The following CELF2 variants were observed in gnomAD, a reference collection of about 807,000 sequenced individuals.
CELF2 encodes the protein CUGBP Elav-like family member 2.
CELF2 carries 8 observed loss-of-function variants against 62.6 expected under a neutral mutation model. The ratio of observed to expected loss-of-function variants is 0.13; its 90% CI spans 0.07 to 0.23. The LOEUF (loss-of-function observed/expected upper bound fraction) is 0.23. CELF2 is among the 10% of genes least tolerant of loss of function. The probability of loss-of-function intolerance (pLI) is 1.00; values close to 1 mark genes in which losing one functional copy is unlikely to be tolerated. For synonymous variants in CELF2, 258 were observed against 250.0 expected, an observed-to-expected ratio of 1.03 and a Z score of -0.30; for missense variants, 333 against 671.0, an observed-to-expected ratio of 0.50 and a Z score of 5.56.
the CELF2 span, among the ~76,000 whole-genome samples, chr10:10,783,896 G>A: frequency 2.0e-5 from 3 of 152,120 alleles, no homozygotes; most frequent in African/African-American, 7.2e-5. Context: ...GCTGAGGCAG[G>A]AGAATTGCTT....
chr10:11,070,886 G>T (rs1255225477), intron 1 of CELF2, among the ~76,000 whole-genome samples: 2 of 152,152 alleles, frequency 1.3e-5, no homozygotes, highest in African/African-American at 2.4e-5. Flanking sequence ...GAGATACTTG[G>T]TAACCTTAGT....
Position 11,329,179 on chromosome 10 carries a change from T to G in CELF2, c.*126T>G, listed in dbSNP as rs1453276316. 2 of 1,039,004 alleles carry G rather than the reference T, an allele frequency of 1.9e-6. No homozygotes were observed. Among genetic ancestry groups the G allele is most frequent in the East Asian group, 5.4e-5 (2 of 37,286 alleles). 64.4% of individuals were successfully genotyped at this position (1,039,004 alleles called of 1,614,324 possible). A position where few individuals can be genotyped will look rare whatever the true frequency, so the allele number is the denominator to read the frequency against. ...CAACTTTTACCAAGAGAGACGGTTATTTTTACAATAAGGCCTCCATGTCCC... is the reference window on the plus strand; with the variant it reads ...CAACTTTTACCAAGAGAGACGGTTAGTTTTACAATAAGGCCTCCATGTCCC... On this transcript the variant is annotated 3_prime_UTR_variant, in exon 13 of 13. Transcript: ENST00000633077. The surrounding 1 kb of genome is among the most constrained non-coding windows in gnomAD (Gnocchi z 5.5).
At chr10:10,666,007 G>C in the CELF2 span, among the ~76,000 whole-genome samples, 13 of 152,284 alleles carry the variant, frequency 8.5e-5, no homozygotes, top group Non-Finnish European at 1.3e-4. Context: ...TTCTCAGCAG[G>C]CTTCATCATT....
the CELF2 span, among the ~76,000 whole-genome samples, chr10:10,729,601 C>T: frequency 0.26 from 39,016 of 151,600 alleles, 5,315 homozygotes; most frequent in Non-Finnish European, 0.3. Flanking sequence ...AGCAAGACTC[C>T]GTTTCCAAAA....
At chr10:10,579,039 T>C in the CELF2 span, among the ~76,000 whole-genome samples, 1 of 152,144 alleles carries the variant, frequency 6.6e-6, no homozygotes, top group Admixed American at 6.6e-5. Context: ...CTACACATAG[T>C]GTCTGTTTTT....
intron 3 of CELF2, among the ~76,000 whole-genome samples, chr10:11,233,013 ACT>A (rs748698876): frequency 4.9e-4 from 74 of 152,120 alleles, no homozygotes; most frequent in Non-Finnish European, 9.1e-4. Flanking sequence ...AACATGGCAC[ACT>A]CTGTAAGTTT....
At chr10:10,482,727 G>A in the CELF2 span, among the ~76,000 whole-genome samples, 3 of 152,014 alleles carry the variant, frequency 2.0e-5, no homozygotes, top group Admixed American at 6.5e-5. Context: ...TAAACAACTC[G>A]CCTGTGAACA....
chr10:11,277,297 T>A (rs557748236), intron 8 of CELF2, among the ~76,000 whole-genome samples: 1 of 152,338 alleles, frequency 6.6e-6, no homozygotes, highest in East Asian at 1.9e-4. Flanking sequence ...GCACATGTTA[T>A]GGAGTGACCA....
the CELF2 span, among the ~76,000 whole-genome samples, chr10:10,631,241 G>T: frequency 6.6e-6 from 1 of 152,088 alleles, no homozygotes; most frequent in African/African-American, 2.4e-5. Context: ...CCAAACTCAC[G>T]GTGAGTCTGA....
chr10:10,693,778 G>T, the CELF2 span, among the ~76,000 whole-genome samples: 1 of 151,240 alleles, frequency 6.6e-6, no homozygotes, highest in African/African-American at 2.4e-5. Context: ...ATTTCTTCTA[G>T]ATTTTCTGGT....
chr10:11,323,868 C>T (rs2095583664), intron 11 of CELF2, among the ~76,000 whole-genome samples: 3 of 151,962 alleles, frequency 2.0e-5, no homozygotes, highest in African/African-American at 7.3e-5. Flanking sequence ...TTGTTTTTTC[C>T]TCTTCATCTC....
chr10:10,563,788 A>G, the CELF2 span, among the ~76,000 whole-genome samples: 1 of 152,136 alleles, frequency 6.6e-6, no homozygotes, highest in Non-Finnish European at 1.5e-5. Context: ...ACCTGCAGAA[A>G]CACAAAGAAC....
chr10:10,543,044 C>A, the CELF2 span, among the ~76,000 whole-genome samples: 1 of 152,184 alleles, frequency 6.6e-6, no homozygotes, highest in Non-Finnish European at 1.5e-5. Context: ...AAGAGTCCTC[C>A]CAGCTGATTG....
At chr10:10,994,714 A>G (rs1162836558) in intron 2 of CELF2, among the ~76,000 whole-genome samples, 1 of 152,076 alleles carries the variant, frequency 6.6e-6, no homozygotes, top group Non-Finnish European at 1.5e-5. Context: ...TCTCAAAACC[A>G]TCATTCCCCC....
At chr10:10,584,529 G>T in the CELF2 span, among the ~76,000 whole-genome samples, 41,123 of 151,900 alleles carry the variant, frequency 0.27, 5,683 homozygotes, top group South Asian at 0.41. Flanking sequence ...CTATTAAGCT[G>T]GTTACAGTTC....
In CELF2 at chr10:11,261,512, C is replaced by T. The variant is rs570964746; in HGVS notation, c.538+3640C>T. Among the ~76,000 whole-genome samples the T allele has an allele frequency of 3.3e-5, 5 of 151,680 alleles. No individual in the cohort carries two copies. The East Asian group carries it at 9.7e-4, about 29-fold the overall frequency. On this transcript the variant is annotated intron_variant, in intron 5 of 12. Transcript: ENST00000633077. The stretch of plus-strand genomic sequence containing the variant: ...TTACTCAGCGGCCCCAGCCCATGTT[C>T]CAGGGCAGACACCCTCAGGAAATTG...
At position 10,927,346 on chromosome 10, in the gene CELF2, T is replaced by TAAAAAAAAAAAAA. The variant is rs34283995; in HGVS notation, c.89+7355_89+7367dup. The TAAAAAAAAAAAAA allele has an allele frequency of 4.5e-3, 383 of 85,668 alleles. 14 individuals are homozygous for TAAAAAAAAAAAAA. The highest frequency in any genetic ancestry group is 0.021 in the African/African-American group (369 of 17,442). 5.3% of individuals were successfully genotyped at this position (85,668 alleles called of 1,614,324 possible). A position where few individuals can be genotyped will look rare whatever the true frequency, so the allele number is the denominator to read the frequency against. ...CACTCAAAGGAGAACCTAGTGACAT[T>TAAAAAAAAAAAAA]AAAAAAAAAAAAAAAAAAAACACCT... is the stretch of plus-strand genomic sequence containing the variant. On this transcript the variant is annotated intron_variant, in intron 2 of 13. Coordinates refer to the CELF2 transcript ENST00000636488.
At chr10:10,614,199 C>G in the CELF2 span, among the ~76,000 whole-genome samples, 13 of 151,992 alleles carry the variant, frequency 8.6e-5, no homozygotes, top group Non-Finnish European at 1.8e-4. Flanking sequence ...ATTAGGTTGA[C>G]CAGATGTCTC....
the CELF2 span, among the ~76,000 whole-genome samples, chr10:10,646,243 G>A: frequency 2.4e-4 from 36 of 152,248 alleles, no homozygotes; most frequent in East Asian, 2.1e-3. Context: ...GTAGAAAACC[G>A]TCAAAACCAA....
Sources: gnomAD v4.1 joint callset for allele counts (sites outside exome capture counted in the v4.1 genomes callset) on GRCh38, gnomAD v4.1.1 for gene constraint, Gnocchi (gnomAD v3.1) non-coding constraint, MANE v1.5 for transcripts, NCBI Gene and HGNC (gene_info 2026-07-23, HGNC 2026-07-21) for gene names.